Variants in DCC observed in about 807,000 individuals in gnomAD.
DCC encodes DCC netrin 1 receptor.
A neutral mutation model predicts 172.5 loss-of-function variants in DCC; 58 were observed. That is an observed-to-expected ratio of 0.34 (90% confidence interval 0.27 to 0.42). The LOEUF (loss-of-function observed/expected upper bound fraction) is 0.42, where lower values mean the gene tolerates loss of function less well. Ranked by LOEUF, DCC falls within the 10% of genes least tolerant of loss-of-function variation. The probability of loss-of-function intolerance (pLI) is 1.00; values close to 1 mark genes in which losing one functional copy is unlikely to be tolerated. For synonymous variants in DCC, 709 were observed against 644.5 expected (o/e 1.10, Z -1.52); for missense variants, 1,740 against 1,791.0 (o/e 0.97, Z 0.51).
chr18:52,361,040 T>C (rs1984595618), intron 1 of DCC, among the ~76,000 whole-genome samples: 1 of 152,214 alleles, frequency 6.6e-6, no homozygotes, highest in African/African-American at 2.4e-5. Flanking sequence ...TTGTCTCACA[T>C]GAGGTCACAG....
rs2057807384 is a variant in DCC at position 53,351,428 on chromosome 18, ATATATATATACAGTG to A, written c.2359+11532_2359+11546del. On this transcript the variant is annotated intron_variant, in intron 15 of 28. Coordinates refer to ENST00000442544, the MANE Select transcript of DCC (RefSeq NM_005215.4). ...ATATATATATATATACACACTGTGT[ATATATATATACAGTG>A]TATATATATATATACACAGTGTGTA... 1.3e-4 allele frequency among the ~76,000 whole-genome samples: 5 copies of A among 39,156 alleles called. 1 individual carries two copies. The highest frequency in any genetic ancestry group is 4.0e-4 in the African/African-American group (5 of 12,608). 25.7% of individuals were successfully genotyped at this position (39,156 alleles called of 152,430 possible). A position where few individuals can be genotyped will look rare whatever the true frequency, so the allele number is the denominator to read the frequency against.
intron 7 of DCC, among the ~76,000 whole-genome samples, chr18:53,068,818 T>TGTGTGTGTGTG (rs763488670): frequency 2.2e-4 from 33 of 151,370 alleles, no homozygotes; most frequent in South Asian, 8.3e-4. Context: ...TGTGTGTGTG[T>TGTGTGTGTGTG]TGCTGGGGAC....
chr18:53,010,396 A>G (rs1438677921), intron 5 of DCC, among the ~76,000 whole-genome samples: 1 of 151,744 alleles, frequency 6.6e-6, no homozygotes, highest in Non-Finnish European at 1.5e-5. Context: ...TTTGAAACAC[A>G]CCCAATATTT....
chr18:53,327,808 A>T lies in DCC; in HGVS notation c.2164+5651A>T, dbSNP rs79836387. On this transcript the variant is annotated intron_variant, in intron 14 of 28. Transcript: ENST00000442544. ...GATGCTCATATGGGATTTGGTGTGC[A>T]CAGAGGAGTGAAGGTGGCATGTCAT... Among the ~76,000 whole-genome samples the T allele has an allele frequency of 5.0e-3, 759 of 152,296 alleles. 7 individuals carry two copies. The highest frequency in any genetic ancestry group is 0.017 in the African/African-American group (708 of 41,566).
intron 7 of DCC, among the ~76,000 whole-genome samples, chr18:53,116,291 C>T (rs780063943): frequency 1.3e-5 from 2 of 151,732 alleles, no homozygotes; most frequent in African/African-American, 2.4e-5. Flanking sequence ...AGCTCCGTTA[C>T]AGAATTTTTG....
At chr18:53,278,128 T>G (rs559109739) in intron 12 of DCC, among the ~76,000 whole-genome samples, 9 of 152,180 alleles carry the variant, frequency 5.9e-5, no homozygotes, top group African/African-American at 2.2e-4. Context: ...TATGACACAA[T>G]AACTAAACTA....
intron 7 of DCC, among the ~76,000 whole-genome samples, chr18:53,103,208 G>A (rs902657518): frequency 4.6e-5 from 7 of 151,792 alleles, no homozygotes; most frequent in South Asian, 2.1e-4. Flanking sequence ...ATCATAACAC[G>A]AACTACAAAT....
chr18:52,541,814 G>T (rs1245624058), intron 1 of DCC, among the ~76,000 whole-genome samples: 4 of 148,308 alleles, frequency 2.7e-5, no homozygotes, highest in Non-Finnish European at 5.9e-5. Context: ...GTTTTGGGAA[G>T]CTCCTTGTAT....
chr18:53,262,169 T>C (rs1423482789), intron 12 of DCC, among the ~76,000 whole-genome samples: 2 of 152,196 alleles, frequency 1.3e-5, no homozygotes, highest in Non-Finnish European at 2.9e-5. Flanking sequence ...CATGGCAGAT[T>C]AGCTTCCAAG....
chr18:52,928,623 AT>A (rs2040255489), intron 5 of DCC, among the ~76,000 whole-genome samples: 1 of 152,178 alleles, frequency 6.6e-6, no homozygotes. Context: ...TAGAAACAGC[AT>A]TTACTGAGTT....
chr18:52,467,205 C>A (rs1457419989), intron 1 of DCC, among the ~76,000 whole-genome samples: 3 of 151,888 alleles, frequency 2.0e-5, no homozygotes, highest in East Asian at 1.9e-4. Flanking sequence ...TAGTCCCCCA[C>A]CCCCCGACAG....
At chr18:53,299,348 C>A (rs1486192023) in intron 12 of DCC, among the ~76,000 whole-genome samples, 1 of 152,034 alleles carries the variant, frequency 6.6e-6, no homozygotes, top group Non-Finnish European at 1.5e-5. Context: ...CCCAATCTAC[C>A]TTTCCTTTTC....
rs140703319 is a variant in DCC, at chr18:53,447,619, T to C, written c.3230-2881T>C. ...TGACAAGGTGTACTGTTATGTATGA[T>C]TCAAGCTAAGTTTGTCAGAAACAGT... is the stretch of plus-strand genomic sequence containing the variant. On this transcript the variant is annotated intron_variant, in intron 22 of 28. Transcript: ENST00000442544. 7.2e-3 allele frequency among the ~76,000 whole-genome samples: 1,092 copies of C among 152,302 alleles called. 16 individuals are homozygous for C. Among genetic ancestry groups the C allele is most frequent in the Admixed American group, 0.027 (408 of 15,298 alleles).
intron 5 of DCC, among the ~76,000 whole-genome samples, chr18:53,048,395 C>T (rs752413133): frequency 1.3e-5 from 2 of 151,154 alleles, no homozygotes; most frequent in South Asian, 2.1e-4. Context: ...TCTGTTTCTG[C>T]GTTAGTTTGC....
At chr18:53,159,565 G>C (rs1311360663) in intron 8 of DCC, among the ~76,000 whole-genome samples, 1 of 152,134 alleles carries the variant, frequency 6.6e-6, no homozygotes, top group African/African-American at 2.4e-5. Context: ...AAATGTGACT[G>C]GTTCTTAAAT....
At chr18:52,611,355 G>T (rs2034273754) in intron 1 of DCC, among the ~76,000 whole-genome samples, 1 of 152,014 alleles carries the variant, frequency 6.6e-6, no homozygotes, top group African/African-American at 2.4e-5. Flanking sequence ...ATACTGATAG[G>T]TACAAATATA....
chr18:52,933,831 A>G (rs958757917), intron 5 of DCC, among the ~76,000 whole-genome samples: 4 of 152,112 alleles, frequency 2.6e-5, no homozygotes, highest in African/African-American at 9.7e-5. Context: ...TCACCTGGAT[A>G]GTGTACATCG....
At position 53,265,657 on chromosome 18, in the gene DCC, C is replaced by T. The variant is rs547321572; in HGVS notation, c.1912-39921C>T. ...AAGATGCTTACATGGCATATAGTTC[C>T]AGAAATCAACTTATCATGGAAAAAT... On this transcript the variant is annotated intron_variant, in intron 12 of 28. Transcript: ENST00000442544. Among the ~76,000 whole-genome samples, 3 of 152,256 alleles carry T rather than the reference C, an allele frequency of 2.0e-5. No homozygotes were observed. In the South Asian group the frequency reaches 6.2e-4, roughly 32 times the overall value.
At chr18:53,527,356 C>G (rs970711051) in intron 28 of DCC, among the ~76,000 whole-genome samples, 7 of 151,596 alleles carry the variant, frequency 4.6e-5, no homozygotes, top group Admixed American at 6.6e-5. Flanking sequence ...GTAGCTAAGA[C>G]TATAGGTGCA....
Sources: allele counts gnomAD v4.1 joint callset (sites outside exome capture counted in the v4.1 genomes callset), GRCh38; gene constraint gnomAD v4.1.1; transcripts MANE v1.5; gene names NCBI Gene and HGNC (gene_info 2026-07-23, HGNC 2026-07-21).